EYA4: variants seen among roughly 807,000 people sequenced by gnomAD.
EYA4 encodes protein phosphatase EYA4.
Under a neutral mutation model 87.9 loss-of-function variants are expected in EYA4, and 31 were observed. That is an observed-to-expected ratio of 0.35 (90% CI 0.27 to 0.48). The LOEUF (loss-of-function observed/expected upper bound fraction) is 0.48. Among genes scored for constraint, EYA4 ranks in the 20% least tolerant of loss-of-function variants. The probability of loss-of-function intolerance (pLI) is 0.99; values close to 1 mark genes in which losing one functional copy is unlikely to be tolerated. For synonymous variants in EYA4, 263 were observed against 270.6 expected (o/e 0.97, Z 0.28); for missense variants, 678 against 761.4 (o/e 0.89, Z 1.29).
Position 133,528,864 on chromosome 6 carries a change from G to GT in EYA4, c.*60dup, listed in dbSNP as rs1800841945. ...TTTCAAGTACACTGAATTTTTATGTGTGATTCAATGCCTCTGGCTCTACAC... is the reference window on the plus strand; with the variant it reads ...TTTCAAGTACACTGAATTTTTATGTGTTGATTCAATGCCTCTGGCTCTACAC... On this transcript the variant is annotated 3_prime_UTR_variant, in exon 20 of 20. Coordinates refer to ENST00000355286, the MANE Select transcript of EYA4 (RefSeq NM_004100.5). 1 of 1,610,848 alleles carries GT rather than the reference G, an allele frequency of 6.2e-7. No individual in the cohort carries two copies. Among genetic ancestry groups the GT allele is most frequent in the African/African-American group, 1.3e-5 (1 of 74,778 alleles).
At chr6:133,277,103 A>G (rs1238974956) in intron 2 of EYA4, among the ~76,000 whole-genome samples, 2 of 152,174 alleles carry the variant, frequency 1.3e-5, no homozygotes, top group African/African-American at 4.8e-5. Context: ...ATGAAAGTGA[A>G]TTTACTCATA....
chr6:133,515,337 C>T lies in EYA4; in HGVS notation c.1518C>T (p.Ala506=). 3.1e-6 allele frequency: 5 copies of T among 1,611,534 alleles called. No homozygotes were observed. The highest frequency in any genetic ancestry group is 4.2e-6 in the Non-Finnish European group (5 of 1,177,672). The change falls in exon 17 of 20, where the codon GCC becomes GCT. Residue 506 remains alanine (A), a synonymous_variant. Coordinates refer to ENST00000355286, the MANE Select transcript of EYA4 (RefSeq NM_004100.5). ...KNNVGGLLGP[A]KRDAWLQLRA... ...GTGTTGCAGGACTCCTTGGCCCTGC[C>T]AAGAGGGATGCCTGGCTACAGTTAA...
rs1264235450 is a variant in EYA4, at chr6:133,454,919, C to T, written c.278-1637C>T. ...GGCAGCCTGATACGGTGGAAAGATC[C>T]TGCATACTAGAGCTAAAAACCTGAG... is the stretch of plus-strand genomic sequence containing the variant. On this transcript the variant is annotated intron_variant, in intron 5 of 19. Transcript: ENST00000355286. Among the ~76,000 whole-genome samples the T allele has an allele frequency of 3.3e-5, 5 of 152,194 alleles. No individual in the cohort carries two copies. In the East Asian group the frequency reaches 9.7e-4, roughly 29 times the overall value.
chr6:133,473,446 T>TAA (rs917840291), intron 11 of EYA4, among the ~76,000 whole-genome samples: 1 of 152,058 alleles, frequency 6.6e-6, no homozygotes, highest in African/African-American at 2.4e-5. Flanking sequence ...TATTAACAAG[T>TAA]AAACTAATTT....
At chr6:133,329,917 A>G (rs531318683) in intron 2 of EYA4, among the ~76,000 whole-genome samples, 32 of 152,218 alleles carry the variant, frequency 2.1e-4, no homozygotes, top group African/African-American at 7.7e-4. Context: ...GAGAAGGAAC[A>G]TGATTTGTCA....
chr6:133,330,476 G>T (rs547669771), intron 2 of EYA4, among the ~76,000 whole-genome samples: 31 of 150,992 alleles, frequency 2.1e-4, no homozygotes, highest in Non-Finnish European at 3.7e-4. Context: ...AACTGATTTT[G>T]TAAATCCCAT....
At chr6:133,250,946 G>T (rs564229858) in intron 1 of EYA4, among the ~76,000 whole-genome samples, 23 of 152,168 alleles carry the variant, frequency 1.5e-4, no homozygotes, top group African/African-American at 5.1e-4. Flanking sequence ...GGTCTTTTTT[G>T]GGGGGCTATG....
chr6:133,483,176 ATC>A, intron 13 of EYA4, 61 bp downstream of exon 13: 1 of 1,237,978 alleles, frequency 8.1e-7, no homozygotes, highest in African/African-American at 1.5e-5. Context: ...TTTGTTTAAA[ATC>A]AAGGGCTATT....
chr6:133,313,766 A>G (rs1395342117), intron 2 of EYA4, among the ~76,000 whole-genome samples: 2 of 152,190 alleles, frequency 1.3e-5, no homozygotes, highest in East Asian at 3.8e-4. Flanking sequence ...CACAGTTGTT[A>G]GAGTAGGACT....
chr6:133,299,441 A>G (rs1207309304), intron 2 of EYA4, among the ~76,000 whole-genome samples: 1 of 152,010 alleles, frequency 6.6e-6, no homozygotes, highest in Non-Finnish European at 1.5e-5. Context: ...AACACTTAAA[A>G]TCGGCTGGGC....
intron 2 of EYA4, 57 bp from the exon 3 acceptor site, chr6:133,382,335 A>T: frequency 8.1e-7 from 1 of 1,231,920 alleles, no homozygotes; most frequent in Non-Finnish European, 1.2e-6. Flanking sequence ...TAGTGTGTGA[A>T]CCTGAGTGAG....
At chr6:133,463,290 A>G (rs2128660894) in intron 9 of EYA4, among the ~76,000 whole-genome samples, 1 of 151,318 alleles carries the variant, frequency 6.6e-6, no homozygotes, top group East Asian at 1.9e-4. Flanking sequence ...CCAATCCTCC[A>G]TATAGGCATA....
intron 2 of EYA4, among the ~76,000 whole-genome samples, chr6:133,333,393 A>T (rs1358290041): frequency 6.6e-6 from 1 of 152,212 alleles, no homozygotes; most frequent in Non-Finnish European, 1.5e-5. Flanking sequence ...TCTGTGTTAG[A>T]TTTGCCTCCA....
intron 3 of EYA4, among the ~76,000 whole-genome samples, chr6:133,430,180 A>G (rs944565592): frequency 1.3e-5 from 2 of 152,190 alleles, no homozygotes; most frequent in African/African-American, 4.8e-5. Context: ...TGGTACATAC[A>G]TACCATGGAA....
intron 2 of EYA4, among the ~76,000 whole-genome samples, chr6:133,282,626 T>C (rs1017639262): frequency 5.9e-5 from 9 of 152,184 alleles, no homozygotes; most frequent in African/African-American, 2.2e-4. Context: ...CCTCATATTA[T>C]ACAGAATATG....
intron 2 of EYA4, among the ~76,000 whole-genome samples, chr6:133,337,549 A>G (rs1782464867): frequency 6.6e-6 from 1 of 152,184 alleles, no homozygotes; most frequent in Admixed American, 6.5e-5. Flanking sequence ...TTTGCAATCA[A>G]AATGGAAATG....
chr6:133,278,105 G>T (rs1257474608), intron 2 of EYA4, among the ~76,000 whole-genome samples: 1 of 146,688 alleles, frequency 6.8e-6, no homozygotes, highest in Middle Eastern at 3.3e-3. Context: ...TATTTCTTCA[G>T]TTTTTTTTTT....
chr6:133,478,992 T>A (rs556838957), intron 11 of EYA4, among the ~76,000 whole-genome samples: 1 of 152,294 alleles, frequency 6.6e-6, no homozygotes, highest in South Asian at 2.1e-4. Flanking sequence ...TTATGATAGT[T>A]AACACCTGAA....
intron 3 of EYA4, among the ~76,000 whole-genome samples, chr6:133,444,069 T>C (rs1227120981): frequency 2.6e-5 from 4 of 152,210 alleles, no homozygotes; most frequent in Non-Finnish European, 4.4e-5. Context: ...AAATCTTACG[T>C]GTATATTTTT....
Sources: allele counts gnomAD v4.1 joint callset (sites outside exome capture counted in the v4.1 genomes callset), GRCh38; gene constraint gnomAD v4.1.1; transcripts MANE v1.5; gene names NCBI Gene and HGNC (gene_info 2026-07-23, HGNC 2026-07-21).